The following KIAA1217 variants were observed in gnomAD, a reference collection of about 807,000 sequenced individuals.
The protein encoded by KIAA1217 is KIAA1217.
In KIAA1217, 88 loss-of-function variants were observed where a neutral mutation model predicts 163.9. The observed-to-expected ratio is 0.54, with a 90% CI of 0.45 to 0.64. The LOEUF (loss-of-function observed/expected upper bound fraction) is 0.64, where lower values mean the gene tolerates loss of function less well. Ranked by LOEUF, KIAA1217 falls within the 30% of genes least tolerant of loss-of-function variation. KIAA1217 has a pLI of 0.00. For synonymous variants in KIAA1217, 903 were observed against 923.1 expected (o/e 0.98, Z 0.39); for missense variants, 2,372 against 2,475.0 (o/e 0.96, Z 0.88).
chr10:24,205,789 GA>G (rs1206625297), upstream of KIAA1217, among the ~76,000 whole-genome samples: 1 of 151,204 alleles, frequency 6.6e-6, no homozygotes, highest in African/African-American at 2.4e-5. Flanking sequence ...AAAAAGGAAA[GA>G]AGGAAAAAAG....
At chr10:23,709,556 A>G (rs1372559419) in intron 1 of KIAA1217, among the ~76,000 whole-genome samples, 3 of 152,078 alleles carry the variant, frequency 2.0e-5, no homozygotes, top group Admixed American at 2.0e-4. Flanking sequence ...AAATAAAGAA[A>G]TAGAAACTTC....
At chr10:24,260,157 G>A (rs1044199062) in intron 2 of KIAA1217, among the ~76,000 whole-genome samples, 1 of 152,154 alleles carries the variant, frequency 6.6e-6, no homozygotes, top group African/African-American at 2.4e-5. Context: ...TCATTGTAGA[G>A]TCATAAGCTT....
chr10:23,889,761 A>G (rs962723457), intron 1 of KIAA1217, among the ~76,000 whole-genome samples: 2 of 151,878 alleles, frequency 1.3e-5, no homozygotes, highest in African/African-American at 4.8e-5. Context: ...GACCTACGAT[A>G]GAGTTGAAAG....
At chr10:24,482,628 T>C (rs1288245238) in intron 6 of KIAA1217, 4 of 152,216 alleles carry the variant, frequency 2.6e-5, no homozygotes. Flanking sequence ...CTTGTCCTTA[T>C]TTGAATTCTG....
At chr10:24,190,373 G>T (rs74332084) in intron 2 of KIAA1217, among the ~76,000 whole-genome samples, 2,198 of 152,216 alleles carry the variant, frequency 0.014, 43 homozygotes, top group Non-Finnish European at 0.016. Flanking sequence ...TTACCTACAG[G>T]TCCCATGCGG....
intron 2 of KIAA1217, among the ~76,000 whole-genome samples, chr10:24,240,169 G>A (rs935635078): frequency 1.3e-5 from 2 of 152,168 alleles, no homozygotes; most frequent in East Asian, 3.9e-4. Flanking sequence ...ATGCGGCTGT[G>A]GATCTGTGAG....
chr10:23,958,061 T>C lies in KIAA1217; in HGVS notation c.-320-49164T>C, dbSNP rs186401706. The stretch of plus-strand genomic sequence containing the variant: ...TGAAGAAGCAGAAAAAGTAATACTT[T>C]GGGAGTATACTTAAGAGAGCCATTA... On this transcript the variant is annotated intron_variant, in intron 1 of 18. Coordinates refer to the KIAA1217 transcript ENST00000376462. 3.3e-5 allele frequency among the ~76,000 whole-genome samples: 5 copies of C among 152,274 alleles called. No homozygotes were observed. The East Asian group carries it at 7.7e-4, about 24-fold the overall frequency.
intron 1 of KIAA1217, among the ~76,000 whole-genome samples, chr10:23,937,086 G>T (rs546132368): frequency 6.6e-6 from 1 of 152,254 alleles, no homozygotes; most frequent in South Asian, 2.1e-4. Flanking sequence ...TGTTAGGCAG[G>T]CTGGTCTCGA....
chr10:24,140,549 A>AGG (rs1271304487), intron 2 of KIAA1217, among the ~76,000 whole-genome samples: 2 of 152,120 alleles, frequency 1.3e-5, no homozygotes, highest in Non-Finnish European at 2.9e-5. Context: ...TGGGTAACTT[A>AGG]GGGTAGATCC....
intron 2 of KIAA1217, among the ~76,000 whole-genome samples, chr10:24,306,084 C>T (rs564189809): frequency 3.9e-5 from 6 of 152,226 alleles, no homozygotes; most frequent in South Asian, 2.1e-4. Flanking sequence ...TCCTGACTCA[C>T]CAACTGGTAA....
intron 1 of KIAA1217, among the ~76,000 whole-genome samples, chr10:23,734,578 T>A (rs574027123): frequency 6.6e-6 from 1 of 152,232 alleles, no homozygotes; most frequent in East Asian, 1.9e-4. Context: ...CATAAGCCAC[T>A]GCACCTGGCC....
chr10:23,743,523 T>G (rs965678238), intron 1 of KIAA1217, among the ~76,000 whole-genome samples: 26 of 152,194 alleles, frequency 1.7e-4, no homozygotes, highest in Admixed American at 1.2e-3. Context: ...AATTGTACAA[T>G]TATATTTGCT....
At chr10:24,324,436 A>G (rs2044597943) in intron 2 of KIAA1217, among the ~76,000 whole-genome samples, 1 of 152,150 alleles carries the variant, frequency 6.6e-6, no homozygotes, top group Admixed American at 6.6e-5. Context: ...GCATGGTGGC[A>G]TGCTCCTGTA....
At chr10:23,714,726 G>A (rs1271371957) in intron 1 of KIAA1217, among the ~76,000 whole-genome samples, 1 of 152,058 alleles carries the variant, frequency 6.6e-6, no homozygotes, top group Non-Finnish European at 1.5e-5. Flanking sequence ...TATTTGCGAA[G>A]GGAACCCCAA....
chr10:23,765,008 G>T (rs994085418), intron 1 of KIAA1217, among the ~76,000 whole-genome samples: 4 of 151,858 alleles, frequency 2.6e-5, no homozygotes, highest in African/African-American at 7.3e-5. Flanking sequence ...GTTTTATTTG[G>T]CTTCTCCCCC....
chr10:24,150,430 C>T (rs2064554582), intron 2 of KIAA1217, among the ~76,000 whole-genome samples: 1 of 152,212 alleles, frequency 6.6e-6, no homozygotes, highest in Non-Finnish European at 1.5e-5. Context: ...AGAGACTAGT[C>T]TGATTCTGTC....
At position 23,862,164 on chromosome 10, in the gene KIAA1217, C is replaced by A. The variant is rs980329126; in HGVS notation, c.-320-145061C>A. Among the ~76,000 whole-genome samples, 6 of 152,046 alleles carry A rather than the reference C, an allele frequency of 3.9e-5. 1 individual carries two copies. The highest frequency in any genetic ancestry group is 8.8e-5 in the Non-Finnish European group (6 of 68,002). On this transcript the variant is annotated intron_variant, in intron 1 of 18. Coordinates refer to the KIAA1217 transcript ENST00000376462. ...GCAGTCTAGTATGTTCAGTGGCTCCCAAAGAGTTGGCTGGCATTTTATACC... is the reference window on the plus strand; with the variant it reads ...GCAGTCTAGTATGTTCAGTGGCTCCAAAAGAGTTGGCTGGCATTTTATACC...
In KIAA1217 at chr10:24,309,529, G is replaced by A. The variant is rs1049379252; in HGVS notation, c.355-71340G>A. On this transcript the variant is annotated intron_variant, in intron 2 of 20. Coordinates refer to ENST00000376454, the MANE Select transcript of KIAA1217 (RefSeq NM_019590.5). ...CAGTGTTCCCCTATTGTATTTGACTGTGGAACCCTCTGCGTCATACCCTTT... is the reference window on the plus strand; with the variant it reads ...CAGTGTTCCCCTATTGTATTTGACTATGGAACCCTCTGCGTCATACCCTTT... 3.3e-5 allele frequency among the ~76,000 whole-genome samples: 5 copies of A among 152,222 alleles called. No individual in the cohort carries two copies. The South Asian group carries it at 6.2e-4, about 19-fold the overall frequency.
chr10:23,737,233 C>T (rs1838861372), intron 1 of KIAA1217, among the ~76,000 whole-genome samples: 1 of 152,304 alleles, frequency 6.6e-6, no homozygotes, highest in Admixed American at 6.5e-5. Flanking sequence ...CGGAGTCTCG[C>T]TCTGTCATCA....
Sources: gnomAD v4.1 joint callset for allele counts (sites outside exome capture counted in the v4.1 genomes callset) on GRCh38, gnomAD v4.1.1 for gene constraint, MANE v1.5 for transcripts, NCBI Gene and HGNC (gene_info 2026-07-23, HGNC 2026-07-21) for gene names.